Variants in BMERB1 observed in about 807,000 individuals in gnomAD.
BMERB1 encodes the protein bMERB domain containing 1, also known as bMERB domain-containing protein 1.
In BMERB1, 12 loss-of-function variants were observed where a neutral mutation model predicts 23.6. The ratio of observed to expected loss-of-function variants is 0.51; its 90% CI spans 0.33 to 0.82. BMERB1 has a LOEUF of 0.82. Ranked by LOEUF, BMERB1 falls within the 40% of genes least tolerant of loss-of-function variation. BMERB1 has a pLI of 0.03. For synonymous variants in BMERB1, 122 were observed against 96.6 expected (o/e 1.26, Z -1.54); for missense variants, 247 against 255.4 (o/e 0.97, Z 0.22).
chr16:15,547,122 C>T (rs1006070357), intron 2 of BMERB1, among the ~76,000 whole-genome samples: 2 of 151,390 alleles, frequency 1.3e-5, no homozygotes, highest in Non-Finnish European at 2.9e-5. Flanking sequence ...AAGCGATTCT[C>T]CTGCCTCAGC....
Position 15,578,837 on chromosome 16 carries a change from T to C in BMERB1, c.305-2380T>C, listed in dbSNP as rs75166512. Among the ~76,000 whole-genome samples, 512 of 152,282 alleles carry C rather than the reference T, an allele frequency of 3.4e-3. 3 individuals are homozygous for C. The highest frequency in any genetic ancestry group is 0.012 in the African/African-American group (501 of 41,564). Reference sequence around the variant, plus strand: ...CCAAAGGCCTCATTTCTTAATACTATGACCATGGAGGTTAGGATTTCAGTG... The same window carrying C: ...CCAAAGGCCTCATTTCTTAATACTACGACCATGGAGGTTAGGATTTCAGTG... On this transcript the variant is annotated intron_variant, in intron 3 of 5. Transcript: ENST00000300006.
intron 2 of BMERB1, among the ~76,000 whole-genome samples, chr16:15,540,332 CCTGT>C (rs1456455063): frequency 6.6e-6 from 1 of 151,680 alleles, no homozygotes; most frequent in Non-Finnish European, 1.5e-5. Flanking sequence ...TCAAGACCAG[CCTGT>C]CTAACATGGC....
intron 2 of BMERB1, among the ~76,000 whole-genome samples, chr16:15,524,500 G>C (rs1230889792): frequency 6.6e-6 from 1 of 152,182 alleles, no homozygotes; most frequent in Non-Finnish European, 1.5e-5. Flanking sequence ...GGGCGCAGTG[G>C]CTCATACCTG....
chr16:15,572,455 A>G (rs1230973401), intron 3 of BMERB1, among the ~76,000 whole-genome samples: 1 of 152,210 alleles, frequency 6.6e-6, no homozygotes, highest in Non-Finnish European at 1.5e-5. Context: ...GCTAGTGGGT[A>G]TGGGGTTTCT....
chr16:15,532,047 T>C (rs191345199), intron 2 of BMERB1, among the ~76,000 whole-genome samples: 15 of 152,292 alleles, frequency 9.8e-5, no homozygotes, highest in Admixed American at 9.2e-4. Context: ...TTTCATGTTA[T>C]GTAATTGGCT....
At chr16:15,486,429 C>T (rs897354159) in intron 1 of BMERB1, among the ~76,000 whole-genome samples, 1 of 152,178 alleles carries the variant, frequency 6.6e-6, no homozygotes, top group African/African-American at 2.4e-5. Flanking sequence ...TACCTCTTGA[C>T]TGTTTTTCTC....
At chr16:15,441,124 T>G (rs1009942374) in intron 1 of BMERB1, among the ~76,000 whole-genome samples, 7 of 152,158 alleles carry the variant, frequency 4.6e-5, no homozygotes, top group Non-Finnish European at 8.8e-5. Flanking sequence ...AGGTTGTGAT[T>G]AAAACAAACA....
chr16:15,472,204 A>G (rs1397018046), intron 1 of BMERB1, among the ~76,000 whole-genome samples: 1 of 152,158 alleles, frequency 6.6e-6, no homozygotes, highest in Non-Finnish European at 1.5e-5. Flanking sequence ...ATGCTCTGTG[A>G]ACACTTGGAA....
intron 2 of BMERB1, among the ~76,000 whole-genome samples, chr16:15,541,460 C>T (rs1256336463): frequency 4.9e-5 from 7 of 142,598 alleles, no homozygotes; most frequent in African/African-American, 1.9e-4. Context: ...CAGGGTCTCA[C>T]TCTGTCACCC....
intron 1 of BMERB1, among the ~76,000 whole-genome samples, chr16:15,496,578 AC>A (rs2051475418): frequency 6.6e-6 from 1 of 150,920 alleles, no homozygotes; most frequent in Non-Finnish European, 1.5e-5. Flanking sequence ...TTGCTCTGTC[AC>A]CCAGCCTGGA....
At chr16:15,474,660 A>G (rs527838589) in intron 1 of BMERB1, among the ~76,000 whole-genome samples, 2 of 151,754 alleles carry the variant, frequency 1.3e-5, no homozygotes, top group South Asian at 2.1e-4. Flanking sequence ...GATTTCAGTC[A>G]TGAGCCACTG....
intron 1 of BMERB1, among the ~76,000 whole-genome samples, chr16:15,461,377 G>A (rs533877572): frequency 1.1e-4 from 16 of 152,106 alleles, no homozygotes; most frequent in South Asian, 2.1e-4. Flanking sequence ...CATACTTTGC[G>A]TTGGTTCCCA....
At position 15,525,442 on chromosome 16, in the gene BMERB1, G is replaced by A. The variant is rs374288425; in HGVS notation, c.230+10014G>A. 2.6e-5 allele frequency among the ~76,000 whole-genome samples: 4 copies of A among 152,166 alleles called. No homozygotes were observed. The East Asian group carries it at 5.8e-4, about 22-fold the overall frequency. ...TTCCAGGCCAGGTGCAGTGGTTCAC[G>A]CCTGTAATTCCAGCACTTTGGGAGG... On this transcript the variant is annotated intron_variant, in intron 2 of 5. Coordinates refer to ENST00000300006, the MANE Select transcript of BMERB1 (RefSeq NM_033201.3).
At chr16:15,500,708 G>A (rs1351127945) in intron 1 of BMERB1, among the ~76,000 whole-genome samples, 3 of 152,238 alleles carry the variant, frequency 2.0e-5, no homozygotes, top group African/African-American at 7.2e-5. Context: ...CTGTAGTGCA[G>A]TGGCGCAGTC....
intron 1 of BMERB1, among the ~76,000 whole-genome samples, chr16:15,455,184 C>A (rs1269452445): frequency 6.6e-6 from 1 of 150,758 alleles, no homozygotes; most frequent in Non-Finnish European, 1.5e-5. Flanking sequence ...ATTAGCCGGG[C>A]GTGGTGGCGT....
intron 1 of BMERB1, among the ~76,000 whole-genome samples, chr16:15,468,789 G>C (rs1363327238): frequency 3.3e-5 from 5 of 151,976 alleles, no homozygotes; most frequent in Non-Finnish European, 7.4e-5. Context: ...ATTTTCCCTT[G>C]TTTTGTTCTG....
intron 1 of BMERB1, among the ~76,000 whole-genome samples, chr16:15,461,251 C>T (rs1395611230): frequency 2.0e-5 from 3 of 151,952 alleles, no homozygotes; most frequent in African/African-American, 7.3e-5. Flanking sequence ...AAAATCACTC[C>T]TGGCAGGAGC....
In BMERB1 at chr16:15,571,358, A is replaced by G. The variant is rs72770187; in HGVS notation, c.304+3302A>G. 4.8e-3 allele frequency among the ~76,000 whole-genome samples: 684 copies of G among 143,382 alleles called. 4 individuals carry two copies. The highest frequency in any genetic ancestry group is 0.018 in the Middle Eastern group (5 of 282). 94.1% of individuals were successfully genotyped at this position (143,382 alleles called of 152,430 possible). On this transcript the variant is annotated intron_variant, in intron 3 of 5. Coordinates refer to ENST00000300006, the MANE Select transcript of BMERB1 (RefSeq NM_033201.3). Reference sequence around the variant, plus strand: ...GGAACTATGAGTCATACAAAAACCTACTTTTTTTTTTTTTTTTGAGACGGA... The same window carrying G: ...GGAACTATGAGTCATACAAAAACCTGCTTTTTTTTTTTTTTTTGAGACGGA...
rs773374490 is a variant in BMERB1, at chr16:15,587,647, G to A, written c.*818G>A. ...GCTGACCTGGGCACTCCACCATTCC[G>A]GGGCCACCACAGAGATGCCAGCAGG... On this transcript the variant is annotated 3_prime_UTR_variant, in exon 6 of 6. Transcript: ENST00000300006. The A allele has an allele frequency of 1.6e-4, 56 of 345,708 alleles. No individual in the cohort carries two copies. The highest frequency in any genetic ancestry group is 2.5e-4 in the South Asian group (13 of 51,214). The allele number at this position is 345,708 out of a possible 1,614,324, so 21.4% of individuals were successfully genotyped here. A position where few individuals can be genotyped will look rare whatever the true frequency, so the allele number is the denominator to read the frequency against.
Sources: gnomAD v4.1 joint callset for allele counts (sites outside exome capture counted in the v4.1 genomes callset) on GRCh38, gnomAD v4.1.1 for gene constraint, MANE v1.5 for transcripts, NCBI Gene and HGNC (gene_info 2026-07-23, HGNC 2026-07-21) for gene names.